DPP10: variants seen among roughly 807,000 people sequenced by gnomAD.
DPP10 encodes the protein inactive dipeptidyl peptidase 10.
A neutral mutation model predicts 120.9 loss-of-function variants in DPP10; 33 were observed. That is an observed-to-expected ratio of 0.27 (90% confidence interval 0.21 to 0.37). The LOEUF (loss-of-function observed/expected upper bound fraction) is 0.37, where lower values mean the gene tolerates loss of function less well. DPP10 is among the 10% of genes least tolerant of loss of function. The pLI is 1.00. For synonymous variants in DPP10, 337 were observed against 326.1 expected (o/e 1.03, Z -0.36); for missense variants, 816 against 942.8 (o/e 0.87, Z 1.76).
At chr2:115,276,100 G>C (rs1041492326) in intron 1 of DPP10, among the ~76,000 whole-genome samples, 7 of 152,166 alleles carry the variant, frequency 4.6e-5, no homozygotes, top group African/African-American at 1.7e-4. Flanking sequence ...GGATGGATAT[G>C]TGGAGAGAAC....
chr2:115,643,233 C>T (rs2086934382), intron 5 of DPP10, among the ~76,000 whole-genome samples: 2 of 152,056 alleles, frequency 1.3e-5, no homozygotes, highest in Non-Finnish European at 2.9e-5. Context: ...ACGGTACGTA[C>T]AACTTGTCAC....
At chr2:115,435,895 C>T (rs1205352726) in intron 3 of DPP10, among the ~76,000 whole-genome samples, 1 of 151,874 alleles carries the variant, frequency 6.6e-6, no homozygotes, top group Non-Finnish European at 1.5e-5. Context: ...GGTCAAGTTT[C>T]ATTCTTCTGC....
intron 1 of DPP10, among the ~76,000 whole-genome samples, chr2:115,091,225 CT>C (rs751862114): frequency 1.2e-4 from 18 of 152,244 alleles, no homozygotes; most frequent in East Asian, 3.9e-4. Flanking sequence ...CCTGTTCTAC[CT>C]TGTGGATTTG....
At chr2:114,735,746 G>A (rs771682812) in intron 1 of DPP10, among the ~76,000 whole-genome samples, 4 of 151,972 alleles carry the variant, frequency 2.6e-5, no homozygotes, top group Non-Finnish European at 5.9e-5. Context: ...TGAAAAAGAA[G>A]CACATGTAAC....
At chr2:115,642,189 A>G (rs1281432228) in intron 5 of DPP10, among the ~76,000 whole-genome samples, 2 of 152,092 alleles carry the variant, frequency 1.3e-5, no homozygotes, top group Non-Finnish European at 2.9e-5. Context: ...TACATACAAT[A>G]TAATATTTAA....
chr2:115,832,055 G>A (rs1352106739), intron 21 of DPP10, among the ~76,000 whole-genome samples: 1 of 152,144 alleles, frequency 6.6e-6, no homozygotes, highest in African/African-American at 2.4e-5. Context: ...AAAGTTGAAA[G>A]CGTTCTTATA....
chr2:115,707,099 T>C (rs1256675167), intron 7 of DPP10, among the ~76,000 whole-genome samples: 1 of 152,066 alleles, frequency 6.6e-6, no homozygotes, highest in African/African-American at 2.4e-5. Flanking sequence ...AAAGCAAATA[T>C]ACACTTTAAT....
intron 5 of DPP10, among the ~76,000 whole-genome samples, chr2:115,569,667 T>C (rs2149084363): frequency 6.6e-6 from 1 of 152,336 alleles, no homozygotes; most frequent in South Asian, 2.1e-4. Context: ...TGATAACCTT[T>C]ATTTAACTGA....
chr2:115,041,974 C>T (rs1455399430), intron 1 of DPP10, among the ~76,000 whole-genome samples: 1 of 147,424 alleles, frequency 6.8e-6, no homozygotes, highest in Non-Finnish European at 1.5e-5. Context: ...GCTTCTACTT[C>T]CTTTTCTCAA....
chr2:115,506,243 A>T (rs934437732), intron 4 of DPP10, among the ~76,000 whole-genome samples: 2 of 152,118 alleles, frequency 1.3e-5, no homozygotes, highest in African/African-American at 4.8e-5. Flanking sequence ...TATATTGGAA[A>T]TATATTAAAT....
intron 1 of DPP10, among the ~76,000 whole-genome samples, chr2:114,702,745 T>C (rs1700459049): frequency 6.6e-6 from 1 of 152,132 alleles, no homozygotes; most frequent in Non-Finnish European, 1.5e-5. Flanking sequence ...GGCACAGGTT[T>C]CTTGGATCCA....
intron 3 of DPP10, among the ~76,000 whole-genome samples, chr2:115,434,697 C>T (rs1374347359): frequency 6.6e-6 from 1 of 151,590 alleles, no homozygotes; most frequent in East Asian, 1.9e-4. Flanking sequence ...CGTTTCAGTT[C>T]TTCTCTTCTT....
At position 115,814,967 on chromosome 2, in the gene DPP10, G is replaced by A. The variant is rs760671316; in HGVS notation, c.1875G>A (p.Lys625=). The change falls in exon 20 of 26, where the codon AAG becomes AAA. Residue 625 remains lysine, a synonymous_variant. Transcript: ENST00000410059. ...IHRRLGSVEV[K]DQITAVKFLL... ...GAAGATTAGGTTCAGTAGAAGTAAA[G>A]GACCAAATAACAGCTGTGAAGTAAG... 1 of 1,607,084 alleles carries A rather than the reference G, an allele frequency of 6.2e-7. No individual in the cohort carries two copies. Among genetic ancestry groups the A allele is most frequent in the Admixed American group, 1.7e-5 (1 of 59,954 alleles).
At chr2:115,232,085 C>T (rs1559283149) in intron 1 of DPP10, among the ~76,000 whole-genome samples, 1 of 152,198 alleles carries the variant, frequency 6.6e-6, no homozygotes, top group Non-Finnish European at 1.5e-5. Context: ...AGCCTTCTAA[C>T]TGCCTAGTCC....
At chr2:115,634,498 A>T (rs2086158079) in intron 5 of DPP10, among the ~76,000 whole-genome samples, 1 of 151,608 alleles carries the variant, frequency 6.6e-6, no homozygotes, top group African/African-American at 2.4e-5. Flanking sequence ...CTTGGGGTCC[A>T]CTCCAGACTC....
intron 1 of DPP10, among the ~76,000 whole-genome samples, chr2:114,914,640 A>G (rs1034501424): frequency 3.7e-4 from 57 of 152,340 alleles, no homozygotes; most frequent in African/African-American, 1.3e-3. Context: ...CTACTGTACA[A>G]TAAAGTCTAC....
chr2:115,190,297 T>C (rs1277830853), intron 1 of DPP10, among the ~76,000 whole-genome samples: 1 of 152,166 alleles, frequency 6.6e-6, no homozygotes, highest in Admixed American at 6.5e-5. Flanking sequence ...ATAGCATCTA[T>C]GTAAACATGG....
intron 1 of DPP10, among the ~76,000 whole-genome samples, chr2:115,117,724 T>C (rs1017079409): frequency 6.6e-6 from 1 of 152,216 alleles, no homozygotes; most frequent in Non-Finnish European, 1.5e-5. Context: ...AAAAAGAAGA[T>C]GATGAGAACC....
At chr2:115,060,169 G>C (rs1166165019) in intron 1 of DPP10, among the ~76,000 whole-genome samples, 1 of 150,390 alleles carries the variant, frequency 6.6e-6, no homozygotes, top group Non-Finnish European at 1.5e-5. Flanking sequence ...TGTCTAGATA[G>C]ATAGATATAT....
Sources: gnomAD v4.1 joint callset for allele counts (sites outside exome capture counted in the v4.1 genomes callset) on GRCh38, gnomAD v4.1.1 for gene constraint, MANE v1.5 for transcripts, NCBI Gene and HGNC (gene_info 2026-07-23, HGNC 2026-07-21) for gene names.